Variants in TNRC6B observed in about 807,000 individuals in gnomAD.
The protein encoded by TNRC6B is trinucleotide repeat-containing gene 6B protein.
Under a neutral mutation model 203.6 loss-of-function variants are expected in TNRC6B, and 52 were observed. The ratio of observed to expected loss-of-function variants is 0.26; its 90% CI spans 0.20 to 0.32. The LOEUF is 0.32. Ranked by LOEUF, TNRC6B falls within the 10% of genes least tolerant of loss-of-function variation. TNRC6B has a pLI of 1.00. For synonymous variants in TNRC6B, 838 were observed against 845.7 expected (o/e 0.99, Z 0.16); for missense variants, 1,923 against 2,286.2 (o/e 0.84, Z 3.24).
chr22:40,308,830 C>G (rs1419553506), intron 16 of TNRC6B, among the ~76,000 whole-genome samples, 181 bp downstream of exon 16: 1 of 152,220 alleles, frequency 6.6e-6, no homozygotes, highest in Non-Finnish European at 1.5e-5. Context: ...AGTACTAGTT[C>G]TAATTAAAGG....
chr22:40,129,269 A>G (rs569929160), intron 3 of TNRC6B, among the ~76,000 whole-genome samples: 29 of 152,330 alleles, frequency 1.9e-4, no homozygotes, highest in African/African-American at 6.0e-4. Flanking sequence ...CTCCATGCCT[A>G]GGGCAGCCAT....
At chr22:40,314,321 ATTTCTC>A (rs1358507473) in intron 19 of TNRC6B, among the ~76,000 whole-genome samples, 1 of 151,862 alleles carries the variant, frequency 6.6e-6, no homozygotes, top group Non-Finnish European at 1.5e-5. Context: ...GGCAGTTATG[ATTTCTC>A]TTTAGTGATT....
intron 20 of TNRC6B, 54 bp from the exon 21 acceptor site, chr22:40,315,888 T>A: frequency 7.2e-7 from 1 of 1,393,114 alleles, no homozygotes. Context: ...CCCTCATGGC[T>A]TTTCTTGTTT....
At chr22:40,250,126 A>G (rs377043913) in intron 2 of TNRC6B, among the ~76,000 whole-genome samples, 12 of 152,366 alleles carry the variant, frequency 7.9e-5, no homozygotes, top group Admixed American at 1.3e-4. Flanking sequence ...TTTTATTACA[A>G]AAGTCAGATA....
intron 11 of TNRC6B, among the ~76,000 whole-genome samples, chr22:40,285,116 TGA>T (rs1269321395): frequency 6.6e-6 from 1 of 152,206 alleles, no homozygotes; most frequent in Non-Finnish European, 1.5e-5. Context: ...ACTGGGTAAT[TGA>T]GTCACATTTC....
At chr22:40,217,844 G>A (rs368494670) in intron 1 of TNRC6B, among the ~76,000 whole-genome samples, 24 of 151,854 alleles carry the variant, frequency 1.6e-4, no homozygotes, top group African/African-American at 4.1e-4. Flanking sequence ...GCCTGGTTTC[G>A]TGTGCCTGTG....
At chr22:40,246,323 G>GA in intron 2 of TNRC6B, 1 of 313,168 alleles carries the variant, frequency 3.2e-6, no homozygotes, top group African/African-American at 2.2e-5. Flanking sequence ...CTGAGTAGCT[G>GA]GGATTACAGG....
intron 22 of TNRC6B, among the ~76,000 whole-genome samples, chr22:40,322,459 A>G (rs935925742): frequency 6.6e-6 from 1 of 152,226 alleles, no homozygotes; most frequent in Non-Finnish European, 1.5e-5. Flanking sequence ...CCATTACAGT[A>G]TCAGAGTCCT....
intron 1 of TNRC6B, among the ~76,000 whole-genome samples, chr22:40,237,776 G>T (rs1250894095): frequency 6.6e-6 from 1 of 151,998 alleles, no homozygotes; most frequent in Non-Finnish European, 1.5e-5. Flanking sequence ...GCCCGCTACG[G>T]ACGCCTCATG....
At chr22:40,112,347 A>G (rs984229831) in intron 1 of TNRC6B, among the ~76,000 whole-genome samples, 3 of 152,148 alleles carry the variant, frequency 2.0e-5, no homozygotes. Context: ...CGTGAAGCCA[A>G]GAGTTGAGTT....
intron 1 of TNRC6B, among the ~76,000 whole-genome samples, chr22:40,094,368 A>G (rs745452521): frequency 1.2e-4 from 18 of 152,210 alleles, no homozygotes; most frequent in Non-Finnish European, 2.2e-4. Flanking sequence ...AGATTTCACA[A>G]ATGTTAACTT....
intron 2 of TNRC6B, among the ~76,000 whole-genome samples, chr22:40,121,885 C>T (rs1360753313): frequency 6.6e-6 from 1 of 152,182 alleles, no homozygotes; most frequent in East Asian, 1.9e-4. Flanking sequence ...GTTTATAAAC[C>T]TCTAATTCAG....
intron 12 of TNRC6B, among the ~76,000 whole-genome samples, chr22:40,292,515 T>C (rs994004627): frequency 6.6e-6 from 1 of 152,232 alleles, no homozygotes; most frequent in East Asian, 1.9e-4. Flanking sequence ...ATTGCTGTCA[T>C]TTTGCACCTG....
intron 1 of TNRC6B, among the ~76,000 whole-genome samples, chr22:40,213,426 TGGA>T (rs891384183): frequency 1.3e-5 from 2 of 152,050 alleles, no homozygotes; most frequent in African/African-American, 4.8e-5. Context: ...CTGAAGGGGC[TGGA>T]GAACAAGTGG....
chr22:40,244,456 T>A (rs1379328379), intron 1 of TNRC6B, among the ~76,000 whole-genome samples: 1 of 152,106 alleles, frequency 6.6e-6, no homozygotes, highest in Non-Finnish European at 1.5e-5. Flanking sequence ...GTAAAAAAGT[T>A]TTTTAAGTCT....
At position 40,332,764 on chromosome 22, in the gene TNRC6B, T is replaced by C. The variant is rs750219392; in HGVS notation, c.*9523T>C. On this transcript the variant is annotated 3_prime_UTR_variant, in exon 23 of 23. Transcript: ENST00000454349. ...TCCCCCTGCAATGTAAACCCTTAAC[T>C]CCTCTCTCCTTTCTGACATCAGTGG... 1 of 152,622 alleles carries C rather than the reference T, an allele frequency of 6.6e-6. No homozygotes were observed. The highest frequency in any genetic ancestry group is 1.5e-5 in the Non-Finnish European group (1 of 68,040). The allele number at this position is 152,622 out of a possible 1,614,324, so 9.5% of individuals were successfully genotyped here.
chr22:40,058,771 T>C (rs2067822956), intron 1 of TNRC6B, among the ~76,000 whole-genome samples: 1 of 152,180 alleles, frequency 6.6e-6, no homozygotes, highest in African/African-American at 2.4e-5. Flanking sequence ...TTCTGACACA[T>C]TGAATCTGGA....
intron 1 of TNRC6B, among the ~76,000 whole-genome samples, chr22:40,112,377 C>G (rs2068345433): frequency 6.6e-6 from 1 of 152,200 alleles, no homozygotes; most frequent in South Asian, 2.1e-4. Flanking sequence ...CTCCATGACC[C>G]TGTCCCCCAG....
chr22:40,230,783 T>A (rs2069859565), intron 1 of TNRC6B, among the ~76,000 whole-genome samples: 1 of 152,166 alleles, frequency 6.6e-6, no homozygotes, highest in Non-Finnish European at 1.5e-5. Flanking sequence ...TGAATCATGT[T>A]TTTTGGTGTT....
Sources: allele counts gnomAD v4.1 joint callset (sites outside exome capture counted in the v4.1 genomes callset), GRCh38; gene constraint gnomAD v4.1.1; transcripts MANE v1.5; gene names NCBI Gene and HGNC (gene_info 2026-07-23, HGNC 2026-07-21).